MYH16: variants seen among roughly 807,000 people sequenced by gnomAD.
The protein encoded by MYH16 is myosin heavy chain 16.
chr7:99,270,677 G>C (rs984336786), intron 18 of MYH16, among the ~76,000 whole-genome samples: 2 of 151,690 alleles, frequency 1.3e-5, no homozygotes, highest in Non-Finnish European at 2.9e-5. Flanking sequence ...CAAGCACTTT[G>C]GGAGGCTCAG....
At chr7:99,284,061 A>C (rs1451316459) in intron 25 of MYH16, 43 bp downstream of exon 7, 1 of 416,264 alleles carries the variant, frequency 2.4e-6, no homozygotes, top group Non-Finnish European at 4.8e-6. Context: ...CAATGGTAGC[A>C]ATAGCTGGAG....
intron 8 of MYH16, chr7:99,253,831 G>T: frequency 5.2e-6 from 1 of 191,166 alleles, no homozygotes; most frequent in Non-Finnish European, 1.1e-5. Flanking sequence ...TGTTGGTAAA[G>T]ACCTTTATGT....
intron 36 of MYH16, among the ~76,000 whole-genome samples, chr7:99,299,062 CA>C (rs923852759): frequency 1.4e-4 from 17 of 122,258 alleles, no homozygotes; most frequent in South Asian, 2.5e-4. Flanking sequence ...CCCCGCTCTA[CA>C]AAAAAAAAAT....
exon 12 of MYH16, chr7:99,260,169 C>A: frequency 6.2e-7 from 1 of 1,607,134 alleles, no homozygotes; most frequent in East Asian, 2.2e-5. Context: ...CACAGTTCAA[C>A]AGCTTTGAGC....
chr7:99,290,350 G>A (rs1406746678), intron 30 of MYH16, among the ~76,000 whole-genome samples: 1 of 151,700 alleles, frequency 6.6e-6, no homozygotes, highest in African/African-American at 2.4e-5. Context: ...AGCTGGGTGT[G>A]GTGGCGCACA....
exon 29 of MYH16, chr7:99,287,895 G>A (rs1049274682): frequency 8.8e-6 from 4 of 455,310 alleles, no homozygotes; most frequent in African/African-American, 2.0e-5. Context: ...ACCCCAGATC[G>A]AGCAGAACCG....
chr7:99,251,844 C>T (rs1351085261), intron 6 of MYH16, among the ~76,000 whole-genome samples: 1 of 151,992 alleles, frequency 6.6e-6, no homozygotes, highest in East Asian at 1.9e-4. Context: ...ATGGCCATGC[C>T]TGCCTGTAGT....
intron 17 of MYH16, among the ~76,000 whole-genome samples, chr7:99,266,554 T>A (rs574454724): frequency 6.6e-6 from 1 of 152,296 alleles, no homozygotes; most frequent in Admixed American, 6.5e-5. Flanking sequence ...TTTGCTGATG[T>A]CTGGATCAAT....
At chr7:99,273,948 G>A (rs781589577) in intron 20 of MYH16, among the ~76,000 whole-genome samples, 2 of 152,156 alleles carry the variant, frequency 1.3e-5, no homozygotes, top group East Asian at 3.9e-4. Flanking sequence ...GTGTCTTTCT[G>A]CCTTCCATCT....
chr7:99,270,999 A>T (rs1396072621), exon 19 of MYH16: 1 of 152,612 alleles, frequency 6.6e-6, no homozygotes, highest in Admixed American at 6.5e-5. Context: ...TGAGGACATG[A>T]GGGACGAGCG....
At chr7:99,260,071 G>C (rs984851542) in intron 11 of MYH16, 2 of 1,140,918 alleles carry the variant, frequency 1.8e-6, no homozygotes, top group African/African-American at 3.1e-5. Flanking sequence ...CCTCTGCAAA[G>C]TTTTGCTTTG....
chr7:99,297,144 G>T (rs755946338), intron 34 of MYH16, among the ~76,000 whole-genome samples: 5 of 152,122 alleles, frequency 3.3e-5, no homozygotes, highest in Non-Finnish European at 5.9e-5. Flanking sequence ...TATAAAATGA[G>T]GAAATAGCCG....
At chr7:99,283,603 G>A (rs1256275123) in exon 24 of MYH16, 1 of 456,488 alleles carries the variant, frequency 2.2e-6, no homozygotes, top group Non-Finnish European at 4.4e-6. Flanking sequence ...AGGACAAGGT[G>A]AACCACCTGA....
At chr7:99,244,240 C>A (rs1791703063) in intron 2 of MYH16, among the ~76,000 whole-genome samples, 1 of 152,222 alleles carries the variant, frequency 6.6e-6, no homozygotes, top group South Asian at 2.1e-4. Context: ...ATCCAACAAA[C>A]ATTGAGGAAA....
intron 34 of MYH16, among the ~76,000 whole-genome samples, 164 bp from the exon 16 acceptor site, chr7:99,297,496 G>A (rs1792518526): frequency 6.6e-6 from 1 of 151,790 alleles, no homozygotes; most frequent in African/African-American, 2.4e-5. Flanking sequence ...CTCCTTATAA[G>A]GTTGTCATGA....
At chr7:99,275,586 C>T (rs141638489) in intron 20 of MYH16, among the ~76,000 whole-genome samples, 3 of 152,354 alleles carry the variant, frequency 2.0e-5, no homozygotes, top group Non-Finnish European at 4.4e-5. Context: ...GAATGCATCT[C>T]ACCAGATCCC....
chr7:99,241,356 G>T (rs1254739170), intron 1 of MYH16, among the ~76,000 whole-genome samples: 1 of 152,230 alleles, frequency 6.6e-6, no homozygotes, highest in Admixed American at 6.5e-5. Flanking sequence ...GCCAAGGAGG[G>T]TGGATCACCT....
chr7:99,273,448 G>C (rs57685378), intron 20 of MYH16, 25 bp downstream of exon 2: 29,615 of 456,474 alleles, frequency 0.065, 1,484 homozygotes, highest in African/African-American at 0.18. Flanking sequence ...GCCAGGCCAG[G>C]GGGGACTGCT....
At chr7:99,293,136 G>C (rs1407258719) in intron 32 of MYH16, among the ~76,000 whole-genome samples, 1 of 152,150 alleles carries the variant, frequency 6.6e-6, no homozygotes, top group African/African-American at 2.4e-5. Context: ...GGGGATCCAT[G>C]ACAAGTTAAA....
Sources: allele counts gnomAD v4.1 joint callset (sites outside exome capture counted in the v4.1 genomes callset), GRCh38; gene constraint gnomAD v4.1.1; transcripts MANE v1.5; gene names NCBI Gene and HGNC (gene_info 2026-07-23, HGNC 2026-07-21).